The following LOC122539214 variants were observed in gnomAD, a reference collection of about 807,000 sequenced individuals.
At chr19:52,680,643 C>T in the LOC122539214 span, among the ~76,000 whole-genome samples, 23 of 117,974 alleles carry the variant, frequency 1.9e-4, no homozygotes, top group Admixed American at 5.4e-4. Context: ...GACGGAGTCT[C>T]GCTCTGTCGC....
the LOC122539214 span, among the ~76,000 whole-genome samples, chr19:52,661,771 A>G: frequency 2.0e-5 from 3 of 152,146 alleles, no homozygotes; most frequent in East Asian, 3.9e-4. Context: ...AACAGGTAAC[A>G]TGGACCAGAG....
the LOC122539214 span, among the ~76,000 whole-genome samples, chr19:52,689,847 A>G: frequency 5.0e-3 from 769 of 152,290 alleles, 6 homozygotes; most frequent in African/African-American, 0.017. Flanking sequence ...AGGGGCTGGA[A>G]CTGGGCAGGC....
chr19:52,652,666 C>T, the LOC122539214 span: 1 of 559,894 alleles, frequency 1.8e-6, no homozygotes, highest in Non-Finnish European at 3.4e-6. Context: ...ATTATGGATT[C>T]TCTAATGATT....
At chr19:52,651,534 A>G in the LOC122539214 span, 1 of 152,342 alleles carries the variant, frequency 6.6e-6, no homozygotes, top group Admixed American at 6.6e-5. Flanking sequence ...GTGGAGAGGG[A>G]CTATGTGGTG....
the LOC122539214 span, among the ~76,000 whole-genome samples, chr19:52,689,937 G>A: frequency 6.6e-6 from 1 of 152,226 alleles, no homozygotes; most frequent in Non-Finnish European, 1.5e-5. Context: ...GCGGAGGAGA[G>A]ACCTGGGGAG....
At chr19:52,676,132 C>T in the LOC122539214 span, among the ~76,000 whole-genome samples, 4 of 152,186 alleles carry the variant, frequency 2.6e-5, no homozygotes, top group Non-Finnish European at 4.4e-5. Flanking sequence ...AGGCGCGCGC[C>T]GCCACGCCTG....
the LOC122539214 span, among the ~76,000 whole-genome samples, chr19:52,688,495 T>C: frequency 1.9e-4 from 29 of 152,036 alleles, no homozygotes; most frequent in African/African-American, 6.8e-4. Flanking sequence ...ATTACTTTGC[T>C]TCCTTCCCTG....
the LOC122539214 span, among the ~76,000 whole-genome samples, chr19:52,685,542 T>C: frequency 0.16 from 24,782 of 152,048 alleles, 2,137 homozygotes; most frequent in Middle Eastern, 0.22. Context: ...GTAATTGACC[T>C]TGAAAACAGG....
the LOC122539214 span, among the ~76,000 whole-genome samples, chr19:52,675,434 C>T: frequency 1.3e-5 from 2 of 152,192 alleles, no homozygotes; most frequent in African/African-American, 4.8e-5. Flanking sequence ...AGCTGGGACA[C>T]AAGCGCTGAG....
At chr19:52,673,262 T>C in the LOC122539214 span, among the ~76,000 whole-genome samples, 62,742 of 152,002 alleles carry the variant, frequency 0.41, 13,308 homozygotes, top group Non-Finnish European at 0.45. Context: ...TCCCAGCACT[T>C]TGGGAGCCAA....
chr19:52,676,215 G>A, the LOC122539214 span, among the ~76,000 whole-genome samples: 7 of 152,218 alleles, frequency 4.6e-5, no homozygotes, highest in African/African-American at 1.4e-4. Context: ...GCTCCTAACC[G>A]TGAGTGATCT....
At chr19:52,670,735 A>C in the LOC122539214 span, among the ~76,000 whole-genome samples, 2 of 152,220 alleles carry the variant, frequency 1.3e-5, no homozygotes, top group Non-Finnish European at 2.9e-5. Context: ...GGGAGGCATT[A>C]GACATCAATC....
the LOC122539214 span, chr19:52,655,086 C>T: frequency 1.3e-5 from 2 of 153,710 alleles, no homozygotes; most frequent in Middle Eastern, 3.0e-3. Context: ...GGTTGGGAGG[C>T]TGAGGTATGA....
the LOC122539214 span, among the ~76,000 whole-genome samples, chr19:52,661,501 A>G: frequency 2.8e-4 from 42 of 152,298 alleles, no homozygotes; most frequent in Admixed American, 4.6e-4. Flanking sequence ...TTGATGTTCA[A>G]TGCTGGACAC....
the LOC122539214 span, among the ~76,000 whole-genome samples, chr19:52,682,572 G>A: frequency 1.3e-5 from 2 of 152,094 alleles, no homozygotes; most frequent in Non-Finnish European, 2.9e-5. Context: ...TCAGGAGGCT[G>A]AGGCAGAATT....
the LOC122539214 span, among the ~76,000 whole-genome samples, chr19:52,677,595 G>A: frequency 6.6e-6 from 1 of 152,074 alleles, no homozygotes; most frequent in African/African-American, 2.4e-5. Context: ...AGTGTCAAAT[G>A]AATACTCAAC....
the LOC122539214 span, chr19:52,655,756 G>A: frequency 1.4e-6 from 1 of 694,074 alleles, no homozygotes; most frequent in Non-Finnish European, 2.6e-6. Flanking sequence ...AATGAGAAAA[G>A]AGAAAATAAG....
the LOC122539214 span, among the ~76,000 whole-genome samples, chr19:52,658,411 C>A: frequency 6.6e-6 from 1 of 152,044 alleles, no homozygotes; most frequent in Non-Finnish European, 1.5e-5. Context: ...ACCAAAAATA[C>A]AACAATTAGC....
chr19:52,661,410 C>T, the LOC122539214 span, among the ~76,000 whole-genome samples: 1 of 152,112 alleles, frequency 6.6e-6, no homozygotes, highest in African/African-American at 2.4e-5. Flanking sequence ...TGGCCCTAAC[C>T]AAACCCCATG....
Sources: gnomAD v4.1 joint callset for allele counts (sites outside exome capture counted in the v4.1 genomes callset) on GRCh38, gnomAD v4.1.1 for gene constraint, MANE v1.5 for transcripts.